The following NAALADL2 variants were observed in gnomAD, a reference collection of about 807,000 sequenced individuals.
The protein encoded by NAALADL2 is inactive N-acetylated-alpha-linked acidic dipeptidase-like protein 2.
In NAALADL2, 76 loss-of-function variants were observed where a neutral mutation model predicts 87.2. That is an observed-to-expected ratio of 0.87 (90% CI 0.72 to 1.05). The LOEUF is 1.05. NAALADL2 is among the 50% of genes least tolerant of loss of function. The pLI, the probability that NAALADL2 is intolerant of heterozygous loss-of-function variation, is 0.00. For missense variants in NAALADL2, 1,089 were observed against 945.8 expected, an observed-to-expected ratio of 1.15 and a Z score of -1.99; for synonymous variants, 354 against 331.0, an observed-to-expected ratio of 1.07 and a Z score of -0.75.
chr3:174,927,346 C>T (rs1560374851), intron 1 of NAALADL2, among the ~76,000 whole-genome samples: 1 of 152,158 alleles, frequency 6.6e-6, no homozygotes, highest in Non-Finnish European at 1.5e-5. Flanking sequence ...CTCAGCTCTG[C>T]ACCAAGCAGA....
intron 2 of NAALADL2, among the ~76,000 whole-genome samples, chr3:175,105,140 T>C (rs1332064075): frequency 6.6e-6 from 1 of 152,152 alleles, no homozygotes. Context: ...AGGTGCCCAC[T>C]CCTTCATGGA....
intron 5 of NAALADL2, among the ~76,000 whole-genome samples, chr3:175,429,100 T>C (rs922683737): frequency 1.3e-5 from 2 of 151,740 alleles, no homozygotes; most frequent in African/African-American, 4.8e-5. Flanking sequence ...CTGTATTGTG[T>C]TGTTTTAGAA....
chr3:175,012,049 T>A (rs754602842), intron 1 of NAALADL2, among the ~76,000 whole-genome samples: 8 of 152,094 alleles, frequency 5.3e-5, no homozygotes, highest in Non-Finnish European at 1.2e-4. Context: ...AATTAATGAA[T>A]GTGTTAAGTT....
At chr3:174,477,930 G>A (rs1342091611) in intron 1 of NAALADL2, among the ~76,000 whole-genome samples, 1 of 152,120 alleles carries the variant, frequency 6.6e-6, no homozygotes, top group Non-Finnish European at 1.5e-5. Context: ...AAAACAAAAA[G>A]TTGTTTCATA....
At chr3:174,451,349 G>A (rs1715466680) in intron 1 of NAALADL2, among the ~76,000 whole-genome samples, 1 of 152,202 alleles carries the variant, frequency 6.6e-6, no homozygotes. Flanking sequence ...TTTTAAGAAG[G>A]TGGCTGTTCT....
chr3:175,703,928 T>A (rs1027906281), intron 11 of NAALADL2, among the ~76,000 whole-genome samples: 5 of 152,178 alleles, frequency 3.3e-5, no homozygotes, highest in African/African-American at 1.2e-4. Context: ...AACACTTAAT[T>A]GACTCCTGAG....
At chr3:174,791,805 A>G (rs766424300) in intron 3 of NAALADL2, among the ~76,000 whole-genome samples, 1 of 152,204 alleles carries the variant, frequency 6.6e-6, no homozygotes, top group Non-Finnish European at 1.5e-5. Flanking sequence ...AGCCTTGATT[A>G]CTGTAAGCTC....
chr3:175,293,036 CAAAAAA>C (rs568981496), intron 4 of NAALADL2, among the ~76,000 whole-genome samples: 47 of 49,418 alleles, frequency 9.5e-4, no homozygotes, highest in Admixed American at 6.8e-3. Context: ...GACTCCGTCT[CAAAAAA>C]AAAAAAAAAA....
intron 2 of NAALADL2, among the ~76,000 whole-genome samples, chr3:174,654,455 T>A (rs1724702097): frequency 6.6e-6 from 1 of 152,148 alleles, no homozygotes; most frequent in South Asian, 2.1e-4. Context: ...ACTAGGGAGT[T>A]TTCTTTTTCT....
chr3:175,240,073 C>T (rs566325903), intron 3 of NAALADL2, among the ~76,000 whole-genome samples: 6 of 152,186 alleles, frequency 3.9e-5, no homozygotes, highest in South Asian at 4.1e-4. Context: ...TTCTCTTTAA[C>T]AAGACAAATA....
chr3:175,361,099 A>G (rs2148908436), intron 5 of NAALADL2, among the ~76,000 whole-genome samples: 1 of 150,802 alleles, frequency 6.6e-6, no homozygotes, highest in Non-Finnish European at 1.5e-5. Flanking sequence ...ATTCCCACCT[A>G]TGAGTGAGAA....
At chr3:174,866,977 A>G (rs1727223911) in intron 1 of NAALADL2, among the ~76,000 whole-genome samples, 2 of 151,700 alleles carry the variant, frequency 1.3e-5, no homozygotes, top group Non-Finnish European at 3.0e-5. Context: ...TATTGTCTAT[A>G]TTTCTATAAA....
At chr3:174,824,269 G>T (rs758849470) in intron 3 of NAALADL2, among the ~76,000 whole-genome samples, 3 of 152,026 alleles carry the variant, frequency 2.0e-5, no homozygotes, top group Non-Finnish European at 4.4e-5. Flanking sequence ...TAGATATAAG[G>T]AATTATTTTA....
intron 1 of NAALADL2, among the ~76,000 whole-genome samples, chr3:174,903,979 A>ATCTATT (rs1297911560): frequency 1.6e-5 from 2 of 124,542 alleles, no homozygotes; most frequent in Admixed American, 7.5e-5. Context: ...CTATATCTAT[A>ATCTATT]TCTATTTCTA....
chr3:174,528,160 G>T (rs935339774), intron 1 of NAALADL2, among the ~76,000 whole-genome samples: 2 of 152,056 alleles, frequency 1.3e-5, no homozygotes, highest in African/African-American at 4.8e-5. Context: ...TTTGTGTTAT[G>T]TACTATCTCT....
chr3:175,120,708 G>C (rs1726021561), intron 2 of NAALADL2, among the ~76,000 whole-genome samples: 2 of 151,764 alleles, frequency 1.3e-5, no homozygotes, highest in Non-Finnish European at 2.9e-5. Context: ...GAAAAGTGTA[G>C]CTATTTTCAA....
At chr3:175,475,938 G>A (rs1228952061) in intron 9 of NAALADL2, among the ~76,000 whole-genome samples, 1 of 152,074 alleles carries the variant, frequency 6.6e-6, no homozygotes, top group Non-Finnish European at 1.5e-5. Flanking sequence ...GCCCAGACTT[G>A]TCTCAAACTC....
At chr3:175,324,149 T>G in intron 4 of NAALADL2, 26 bp from the exon 5 acceptor site, 9 of 1,608,524 alleles carry the variant, frequency 5.6e-6, no homozygotes, top group Non-Finnish European at 7.6e-6. Flanking sequence ...TGATAATATT[T>G]TTAATAGCTT....
chr3:175,600,683 G>A (rs368801599), intron 10 of NAALADL2, among the ~76,000 whole-genome samples: 1 of 151,162 alleles, frequency 6.6e-6, no homozygotes, highest in Admixed American at 6.6e-5. Flanking sequence ...GACTACAGGC[G>A]CCCGCTACCA....
Sources: allele counts gnomAD v4.1 joint callset (sites outside exome capture counted in the v4.1 genomes callset), GRCh38; gene constraint gnomAD v4.1.1; transcripts MANE v1.5; gene names NCBI Gene and HGNC (gene_info 2026-07-23, HGNC 2026-07-21).